Variants in PAXBP1 observed in about 807,000 individuals in gnomAD.
PAXBP1 encodes PAX3- and PAX7-binding protein 1.
In PAXBP1, 44 loss-of-function variants were observed where a neutral mutation model predicts 119.9. The ratio of observed to expected loss-of-function variants is 0.37; its 90% confidence interval spans 0.29 to 0.47. The LOEUF (loss-of-function observed/expected upper bound fraction) is 0.47. Among genes scored for constraint, PAXBP1 ranks in the 20% least tolerant of loss-of-function variants. The probability of loss-of-function intolerance (pLI) is 0.99; values close to 1 mark genes in which losing one functional copy is unlikely to be tolerated. For missense variants in PAXBP1, 898 were observed against 1,134.1 expected, an observed-to-expected ratio of 0.79 and a Z score of 2.99; for synonymous variants, 393 against 406.6, an observed-to-expected ratio of 0.97 and a Z score of 0.40.
intron 10 of PAXBP1, 120 bp from the exon 11 acceptor site, chr21:32,748,818 G>T: frequency 1.3e-6 from 1 of 777,386 alleles, no homozygotes; most frequent in Non-Finnish European, 2.0e-6. Context: ...CATTAACAAA[G>T]GGCCAATTGT....
chr21:32,734,493 C>A lies in PAXBP1; in HGVS notation c.*457G>T, dbSNP rs757238977. 3 of 168,404 alleles carry A rather than the reference C, an allele frequency of 1.8e-5. No homozygotes were observed. The highest frequency in any genetic ancestry group is 6.3e-5 in the Admixed American group (1 of 15,984). The allele number at this position is 168,404 out of a possible 1,614,324, so 10.4% of individuals were successfully genotyped here. A position where few individuals can be genotyped will look rare whatever the true frequency, so the allele number is the denominator to read the frequency against. ...TAATGAACATTTAGTCACTTGCCAG[C>A]CCTTTTGTTACAACAGTGTAGTAAT... On this transcript the variant is annotated 3_prime_UTR_variant, in exon 18 of 18. Coordinates refer to ENST00000331923, the MANE Select transcript of PAXBP1 (RefSeq NM_016631.4).
chr21:32,760,915 G>A, intron 5 of PAXBP1, 144 bp downstream of exon 5: 1 of 632,794 alleles, frequency 1.6e-6, no homozygotes, highest in Non-Finnish European at 2.8e-6. Context: ...GTGTGTGTGT[G>A]TGTGTGTGTG....
At chr21:32,767,747 T>C (rs1210418441) in intron 2 of PAXBP1, among the ~76,000 whole-genome samples, 1 of 152,206 alleles carries the variant, frequency 6.6e-6, no homozygotes, top group Non-Finnish European at 1.5e-5. Context: ...TTCTGAGGCC[T>C]CCGCAGCCAC....
At chr21:32,750,812 G>T in intron 10 of PAXBP1, 105 bp downstream of exon 10, 1 of 805,034 alleles carries the variant, frequency 1.2e-6, no homozygotes, top group South Asian at 1.8e-5. Context: ...GAAGTGTCTG[G>T]TTCTAATGCA....
chr21:32,745,935 C>G (rs979101551), intron 11 of PAXBP1, among the ~76,000 whole-genome samples: 1 of 152,144 alleles, frequency 6.6e-6, no homozygotes, highest in African/African-American at 2.4e-5. Flanking sequence ...ACCAATGGAA[C>G]AGAATAGAGA....
chr21:32,748,400 T>G, intron 11 of PAXBP1, 99 bp downstream of exon 11: 1 of 1,161,850 alleles, frequency 8.6e-7, no homozygotes, highest in Non-Finnish European at 1.2e-6. Context: ...CTATCACCCC[T>G]GCAAAATATT....
chr21:32,748,796 A>T, intron 10 of PAXBP1, 98 bp from the exon 11 acceptor site: 1 of 1,041,418 alleles, frequency 9.6e-7, no homozygotes, highest in Non-Finnish European at 1.4e-6. Flanking sequence ...CTTCAGTATC[A>T]GAAGATACGC....
At chr21:32,763,365 T>G (rs2044182520) in intron 3 of PAXBP1, among the ~76,000 whole-genome samples, 1 of 152,222 alleles carries the variant, frequency 6.6e-6, no homozygotes, top group Admixed American at 6.5e-5. Context: ...AAACATGGTT[T>G]CCTTGGGATA....
At position 32,748,595 on chromosome 21, in the gene PAXBP1, G is replaced by C; in HGVS notation, c.1827C>G (p.Tyr609Ter). ...KSQFEAWRSK[Y>*]YTSYKDAYIG... ...TGTAAGCATCTTTGTAGGATGTGTA[G>C]TATTTTGAACGCCATGCTTCAAACT... Residue 609 changes from tyrosine (Y) to a stop codon, truncating the protein, a stop_gained, in exon 11 of 18, where the codon TAC (tyrosine) becomes TAG (stop). Transcript: ENST00000331923. LOFTEE classifies it high-confidence loss of function. 1 of 1,614,066 alleles carries C rather than the reference G, an allele frequency of 6.2e-7. No individual in the cohort carries two copies. Among genetic ancestry groups the C allele is most frequent in the Non-Finnish European group, 8.5e-7 (1 of 1,179,960 alleles).
chr21:32,762,736 T>A (rs1397366486), intron 3 of PAXBP1, among the ~76,000 whole-genome samples: 5 of 151,628 alleles, frequency 3.3e-5, no homozygotes, highest in Non-Finnish European at 5.9e-5. Context: ...CTGGCCAACA[T>A]GGTGAAACCC....
At chr21:32,737,230 C>A in intron 17 of PAXBP1, 24 bp downstream of exon 17, 7 of 1,484,766 alleles carry the variant, frequency 4.7e-6, no homozygotes, top group Non-Finnish European at 6.3e-6. Flanking sequence ...CTCTAGATTA[C>A]CATTTCATTA....
rs377147730 is a variant in PAXBP1, at chr21:32,764,516, G to C, written c.481C>G (p.Pro161Ala). 3.8e-6 allele frequency: 6 copies of C among 1,583,942 alleles called. No homozygotes were observed. Among genetic ancestry groups the C allele is most frequent in the Non-Finnish European group, 5.1e-6 (6 of 1,168,238 alleles). The change falls in exon 3 of 18, where the codon CCT becomes GCT. Residue 161 changes from proline to alanine, a missense_variant. Transcript: ENST00000331923. ...TTAACATGTCCTGTTTTGTCCAAAG[G>C]TTGTTCACCTAAATTTTTGAAGAAT... ...ELNSSAESEQ[P>A]LDKTGHVKDT...
At chr21:32,753,448 CATT>C (rs1004058146) in intron 8 of PAXBP1, among the ~76,000 whole-genome samples, 2 of 111,500 alleles carry the variant, frequency 1.8e-5, no homozygotes, top group African/African-American at 6.7e-5. Context: ...AAAAAAAAAA[CATT>C]ATACTTAAAA....
chr21:32,743,888 A>C, intron 13 of PAXBP1, 134 bp from the exon 14 acceptor site: 2 of 570,800 alleles, frequency 3.5e-6, no homozygotes, highest in Admixed American at 6.8e-5. Flanking sequence ...CTCATTGAAG[A>C]CCCTAAAGTA....
chr21:32,757,402 CTA>C (rs2044060972), intron 7 of PAXBP1, among the ~76,000 whole-genome samples: 2 of 152,038 alleles, frequency 1.3e-5, no homozygotes, highest in Admixed American at 6.6e-5. Context: ...TTAAATGAAG[CTA>C]TGTCTACCTC....
intron 10 of PAXBP1, among the ~76,000 whole-genome samples, chr21:32,748,932 T>A (rs2043917019): frequency 6.6e-6 from 1 of 152,214 alleles, no homozygotes; most frequent in Non-Finnish European, 1.5e-5. Flanking sequence ...ATATACAATT[T>A]TTCTACCACA....
In PAXBP1 at chr21:32,771,714, C is replaced by T; in HGVS notation, c.-46G>A. The stretch of plus-strand genomic sequence containing the variant: ...TCGAATACTCGCTTCCACACCGCGG[C>T]CCCGGCAGCGCCGAGCTCGTGACGG... On this transcript the variant is annotated 5_prime_UTR_variant, in exon 1 of 18. Coordinates refer to ENST00000331923, the MANE Select transcript of PAXBP1 (RefSeq NM_016631.4). 2 of 1,337,952 alleles carry T rather than the reference C, an allele frequency of 1.5e-6. No homozygotes were observed. The highest frequency in any genetic ancestry group is 1.9e-6 in the Non-Finnish European group (2 of 1,042,966). The allele number at this position is 1,337,952 out of a possible 1,614,324, so 82.9% of individuals were successfully genotyped here.
intron 11 of PAXBP1, among the ~76,000 whole-genome samples, chr21:32,747,788 A>G (rs2043896468): frequency 6.7e-6 from 1 of 148,426 alleles, no homozygotes; most frequent in African/African-American, 2.5e-5. Context: ...CCACCTCCTT[A>G]TCTTTTTTTT....
chr21:32,740,202 A>G (rs1000835890), intron 15 of PAXBP1, among the ~76,000 whole-genome samples: 6 of 152,160 alleles, frequency 3.9e-5, no homozygotes, highest in African/African-American at 1.4e-4. Flanking sequence ...CAGAAACTCC[A>G]AAGAATGCAA....
Sources: allele counts gnomAD v4.1 joint callset (sites outside exome capture counted in the v4.1 genomes callset), GRCh38; gene constraint gnomAD v4.1.1; transcripts MANE v1.5; gene names NCBI Gene and HGNC (gene_info 2026-07-23, HGNC 2026-07-21).